The following HMGN5 variants were observed in gnomAD, a reference collection of about 807,000 sequenced individuals.
HMGN5 encodes the protein high mobility group nucleosome-binding domain-containing protein 5.
Under a neutral mutation model 9.5 loss-of-function variants are expected in HMGN5, and 4 were observed. The observed-to-expected ratio is 0.42, with a 90% confidence interval of 0.21 to 0.96. HMGN5 has a LOEUF of 0.96. Among genes scored for constraint, HMGN5 ranks in the 40% least tolerant of loss-of-function variants. HMGN5 has a pLI of 0.30. For synonymous variants in HMGN5, 55 were observed against 57.1 expected, an observed-to-expected ratio of 0.96 and a Z score of 0.16; for missense variants, 192 against 187.5, an observed-to-expected ratio of 1.02 and a Z score of -0.14.
At chrX:81,149,329 G>A (rs1433376051) in intron 1 of HMGN5, among the ~76,000 whole-genome samples, 1 of 111,224 alleles carries the variant, frequency 9.0e-6, no homozygotes, top group Non-Finnish European at 1.9e-5. Flanking sequence ...TCCTTTGCAG[G>A]GACATGGATG....
At chrX:81,146,752 C>G (rs1484263075) in intron 1 of HMGN5, among the ~76,000 whole-genome samples, 2 of 110,858 alleles carry the variant, frequency 1.8e-5, no homozygotes, top group Non-Finnish European at 3.8e-5. Context: ...GACTGCTAGT[C>G]AGACTAATAA....
intron 1 of HMGN5, among the ~76,000 whole-genome samples, chrX:81,189,632 C>G (rs1179785553): frequency 5.3e-5 from 6 of 112,200 alleles, no homozygotes; most frequent in African/African-American, 1.6e-4. Context: ...CATTCATGTA[C>G]TGAAGGACAT....
At chrX:81,168,406 A>G (rs769027130) in intron 1 of HMGN5, among the ~76,000 whole-genome samples, 79 of 111,771 alleles carry the variant, frequency 7.1e-4, no homozygotes, top group African/African-American at 2.4e-3. Flanking sequence ...CACTTTGTTT[A>G]CCTTTTACTT....
In HMGN5 at chrX:81,115,195, T is replaced by C. The variant is rs751368020; in HGVS notation, c.303A>G (p.Lys101=). 4.3e-6 allele frequency: 5 copies of C among 1,175,045 alleles called. No homozygotes were observed. The African/African-American group carries it at 9.0e-5, about 21-fold the overall frequency. Residue 101 remains lysine (K), a synonymous_variant, in exon 7 of 7, where the codon AAA becomes AAG. Transcript: ENST00000358130. ...PASEKEIVEV[K]EENIEDATEK... ...CTGTGGCATCTTCAATATTTTCTTCTTTTACTTCCACAATTTCTTTTTCAG... is the reference window on the plus strand; with the variant it reads ...CTGTGGCATCTTCAATATTTTCTTCCTTTACTTCCACAATTTCTTTTTCAG...
intron 1 of HMGN5, among the ~76,000 whole-genome samples, chrX:81,149,550 C>T (rs1409778660): frequency 3.6e-5 from 4 of 111,470 alleles, no homozygotes; most frequent in African/African-American, 9.8e-5. Flanking sequence ...CAGCAAAGCA[C>T]CATGGCACAT....
intron 1 of HMGN5, among the ~76,000 whole-genome samples, chrX:81,131,850 G>A (rs1182557025): frequency 9.0e-6 from 1 of 111,031 alleles, no homozygotes; most frequent in East Asian, 2.8e-4. Flanking sequence ...CATAGTATTA[G>A]AAGTTCTGGC....
intron 1 of HMGN5, among the ~76,000 whole-genome samples, chrX:81,182,061 C>A (rs1232852260): frequency 9.0e-6 from 1 of 111,721 alleles, no homozygotes; most frequent in East Asian, 2.8e-4. Flanking sequence ...TACATTACTA[C>A]CAACAGTGTA....
intron 1 of HMGN5, among the ~76,000 whole-genome samples, chrX:81,193,135 G>A (rs1177055238): frequency 9.0e-6 from 1 of 110,901 alleles, no homozygotes; most frequent in East Asian, 2.9e-4. Flanking sequence ...TGTTTTTCTT[G>A]TTTCTGGATT....
intron 1 of HMGN5, among the ~76,000 whole-genome samples, chrX:81,193,583 T>C (rs146567489): frequency 0.011 from 1,258 of 111,566 alleles, 18 homozygotes; most frequent in African/African-American, 0.039. Flanking sequence ...TACACAACAA[T>C]GGTGAAAGGA....
At chrX:81,177,740 C>T (rs1602579200) in intron 1 of HMGN5, among the ~76,000 whole-genome samples, 1 of 111,483 alleles carries the variant, frequency 9.0e-6, no homozygotes, top group African/African-American at 3.3e-5. Context: ...GAACTCTCCA[C>T]CCCAAATCAA....
intron 1 of HMGN5, among the ~76,000 whole-genome samples, chrX:81,136,190 A>G (rs1346447788): frequency 2.7e-5 from 3 of 111,848 alleles, no homozygotes; most frequent in Non-Finnish European, 5.7e-5. Flanking sequence ...AATGTTGCAT[A>G]ACCCTGTTAT....
chrX:81,140,554 T>C (rs180970344), intron 1 of HMGN5, among the ~76,000 whole-genome samples: 1,459 of 72,964 alleles, frequency 0.02, 36 homozygotes, highest in African/African-American at 0.067. Flanking sequence ...AGCGAGACTC[T>C]GTCTCAAAAA....
chrX:81,152,396 G>C (rs1434953846), intron 1 of HMGN5, among the ~76,000 whole-genome samples: 1 of 111,381 alleles, frequency 9.0e-6, no homozygotes, highest in African/African-American at 3.3e-5. Context: ...ATGAAAAAAT[G>C]CTCACCATCA....
intron 1 of HMGN5, among the ~76,000 whole-genome samples, chrX:81,176,527 A>G (rs2147639456): frequency 9.0e-6 from 1 of 111,234 alleles, no homozygotes; most frequent in Non-Finnish European, 1.9e-5. Context: ...CAAGGAAGCT[A>G]AAAACCTTGA....
intron 1 of HMGN5, among the ~76,000 whole-genome samples, chrX:81,147,857 A>T (rs1348341462): frequency 2.7e-5 from 3 of 111,613 alleles, no homozygotes; most frequent in Non-Finnish European, 5.6e-5. Flanking sequence ...CACAGAGCCA[A>T]ATCATGAGTG....
chrX:81,138,601 C>T (rs895055933), intron 1 of HMGN5, among the ~76,000 whole-genome samples: 3 of 111,606 alleles, frequency 2.7e-5, no homozygotes, highest in Non-Finnish European at 5.7e-5. Context: ...GCTCTCACCA[C>T]TCTTTCTTAA....
chrX:81,148,837 C>T (rs907576330), intron 1 of HMGN5, among the ~76,000 whole-genome samples: 1 of 111,872 alleles, frequency 8.9e-6, no homozygotes, highest in African/African-American at 3.3e-5. Flanking sequence ...ACAGACACTT[C>T]TCAAAAGACA....
intron 1 of HMGN5, among the ~76,000 whole-genome samples, chrX:81,134,435 T>G (rs1196805468): frequency 2.7e-5 from 3 of 111,616 alleles, no homozygotes; most frequent in African/African-American, 9.7e-5. Context: ...ATAATTTACA[T>G]GCCATACACT....
chrX:81,158,325 A>G (rs2075388871), intron 1 of HMGN5, among the ~76,000 whole-genome samples: 1 of 112,004 alleles, frequency 8.9e-6, no homozygotes, highest in Admixed American at 9.5e-5. Flanking sequence ...CAACCTTGCC[A>G]GCATCTGTTG....
Sources: gnomAD v4.1 joint callset for allele counts (sites outside exome capture counted in the v4.1 genomes callset) on GRCh38, gnomAD v4.1.1 for gene constraint, MANE v1.5 for transcripts, NCBI Gene and HGNC (gene_info 2026-07-23, HGNC 2026-07-21) for gene names.